Variants in GLB1 observed in about 807,000 individuals in gnomAD.
GLB1 encodes the protein galactosidase beta 1, also known as beta-galactosidase.
Under a neutral mutation model 74.0 loss-of-function variants are expected in GLB1, and 56 were observed. The observed-to-expected ratio is 0.76, with a 90% CI of 0.61 to 0.94. GLB1 has a LOEUF of 0.94. GLB1 is among the 40% of genes least tolerant of loss of function. The probability of loss-of-function intolerance (pLI) is 0.00; values close to 1 mark genes in which losing one functional copy is unlikely to be tolerated. For missense variants in GLB1, 787 were observed against 845.5 expected, an observed-to-expected ratio of 0.93 and a Z score of 0.86; for synonymous variants, 323 against 323.6, an observed-to-expected ratio of 1.00 and a Z score of 0.02.
chr3:32,985,000 G>A, the GLB1 span, among the ~76,000 whole-genome samples: 1 of 151,014 alleles, frequency 6.6e-6, no homozygotes, highest in Non-Finnish European at 1.5e-5. Flanking sequence ...AGCTATTTGG[G>A]AGGCTGAGGC....
intron 5 of GLB1, among the ~76,000 whole-genome samples, chr3:33,064,587 GC>G (rs1361626350): frequency 6.6e-6 from 1 of 151,418 alleles, no homozygotes; most frequent in Non-Finnish European, 1.5e-5. Flanking sequence ...GACCAGCCTG[GC>G]CAACATGGCG....
At chr3:32,979,261 C>A in the GLB1 span, among the ~76,000 whole-genome samples, 6 of 152,200 alleles carry the variant, frequency 3.9e-5, no homozygotes, top group African/African-American at 1.4e-4. Context: ...CAGTCACATT[C>A]ATTGTTTCAG....
At chr3:33,049,557 C>T (rs981206301) in intron 9 of GLB1, among the ~76,000 whole-genome samples, 1 of 152,146 alleles carries the variant, frequency 6.6e-6, no homozygotes, top group Non-Finnish European at 1.5e-5. Flanking sequence ...GCTGGGATTA[C>T]AGGTGAGCGC....
At chr3:32,980,782 AAAAC>A in the GLB1 span, among the ~76,000 whole-genome samples, 3 of 151,410 alleles carry the variant, frequency 2.0e-5, no homozygotes, top group Admixed American at 6.6e-5. Context: ...CTCCCTCTCA[AAAAC>A]AAACAAACAA....
At chr3:33,025,443 T>C (rs1223449908) in intron 10 of GLB1, among the ~76,000 whole-genome samples, 5 of 152,230 alleles carry the variant, frequency 3.3e-5, no homozygotes, top group Admixed American at 6.5e-5. Context: ...GAAATGTCTG[T>C]AGCCATCCGG....
chr3:32,974,766 G>A, the GLB1 span, among the ~76,000 whole-genome samples: 2 of 152,106 alleles, frequency 1.3e-5, no homozygotes, highest in Admixed American at 1.3e-4. Context: ...CAGGAAGGAG[G>A]AGTCCCCTCT....
At chr3:32,973,121 T>C in the GLB1 span, among the ~76,000 whole-genome samples, 1 of 152,328 alleles carries the variant, frequency 6.6e-6, no homozygotes, top group East Asian at 1.9e-4. Context: ...TAACTCTTTG[T>C]TCGGGGCTTA....
At chr3:33,041,381 G>A (rs1698491449) in intron 10 of GLB1, among the ~76,000 whole-genome samples, 1 of 152,144 alleles carries the variant, frequency 6.6e-6, no homozygotes. Flanking sequence ...ACAATTTGAG[G>A]CCGGGCATGG....
Position 33,046,225 on chromosome 3 carries a change from G to C in GLB1, c.963C>G (p.Asn321Lys), listed in dbSNP as rs1698734997. ...TGGTGGGCTGTGCTGCATAGGGTGA[G>C]TTGGCCCCTAGAAGACAAAAATGTG... is the stretch of plus-strand genomic sequence containing the variant. ...GTNFAYWNGA[N>K]SPYAAQPTSY... is the part of the protein sequence containing the mutation. The change falls in exon 10 of 16, where the codon AAC becomes AAG. Residue 321 changes from asparagine to lysine, a missense_variant. By Grantham distance (94) the Asn-to-Lys change is moderately conservative. Coordinates refer to ENST00000307363, the MANE Select transcript of GLB1 (RefSeq NM_000404.4). The C allele has an allele frequency of 6.2e-7, 1 of 1,614,008 alleles. No homozygotes were observed.
rs368287449 is a variant in GLB1, at chr3:33,093,400, G to A, written c.75+3611C>T. 14 of 1,614,078 alleles carry A rather than the reference G, an allele frequency of 8.7e-6. No individual in the cohort carries two copies. Among genetic ancestry groups the A allele is most frequent in the Non-Finnish European group, 1.1e-5 (13 of 1,180,046 alleles). On this transcript the variant is annotated intron_variant, in intron 1 of 15. Transcript: ENST00000307363. This position sits in a 1 kb window ranked among gnomAD's most constrained non-coding sequence, Gnocchi z 6.0. ...ACGAAGTAGGCACCGAGATGTGAATGAAGCTGGCCCAGAGGAGCGACAGCC... is the reference window on the plus strand; with the variant it reads ...ACGAAGTAGGCACCGAGATGTGAATAAAGCTGGCCCAGAGGAGCGACAGCC...
At chr3:33,018,326 A>AAAT in intron 13 of GLB1, 122 bp downstream of exon 13, 1 of 397,146 alleles carries the variant, frequency 2.5e-6, no homozygotes, top group Non-Finnish European at 4.6e-6. Context: ...AAAAAAAAAG[A>AAAT]TGATGGGTAG....
At chr3:32,989,111 C>G in the GLB1 span, among the ~76,000 whole-genome samples, 3 of 152,180 alleles carry the variant, frequency 2.0e-5, no homozygotes, top group Non-Finnish European at 2.9e-5. Flanking sequence ...CAAATGGCTT[C>G]TTGATATCTG....
chr3:33,056,227 CAAAAAAAAAAAAA>C (rs10559091), intron 6 of GLB1, among the ~76,000 whole-genome samples: 4 of 48,594 alleles, frequency 8.2e-5, no homozygotes, highest in Non-Finnish European at 1.5e-4. Context: ...AACTCCACCT[CAAAAAAAAAAAAA>C]AAAAAAAAAA....
intron 1 of GLB1, among the ~76,000 whole-genome samples, chr3:33,078,995 A>G (rs1435915754): frequency 5.3e-5 from 8 of 152,116 alleles, no homozygotes; most frequent in African/African-American, 1.2e-4. Flanking sequence ...ATAGACTACT[A>G]CTCAGCAATA....
chr3:33,057,199 C>T (rs1232074775), intron 6 of GLB1, among the ~76,000 whole-genome samples: 2 of 152,192 alleles, frequency 1.3e-5, no homozygotes, highest in Non-Finnish European at 2.9e-5. Flanking sequence ...ATCTCTTCCT[C>T]CCGCTCTGTC....
At chr3:33,065,400 T>C (rs1159113816) in intron 5 of GLB1, 63 bp downstream of exon 5, 1 of 1,536,292 alleles carries the variant, frequency 6.5e-7, no homozygotes, top group Non-Finnish European at 8.8e-7. Context: ...CTTCTATCAT[T>C]TATGTAATGT....
At chr3:33,089,190 A>C (rs1700649473) in intron 1 of GLB1, among the ~76,000 whole-genome samples, 1 of 152,228 alleles carries the variant, frequency 6.6e-6, no homozygotes, top group Non-Finnish European at 1.5e-5. Flanking sequence ...CTAGAAGAAA[A>C]CATGGGGAAA....
chr3:33,090,300 T>G (rs929783558), intron 1 of GLB1: 1 of 687,400 alleles, frequency 1.5e-6, no homozygotes, highest in African/African-American at 2.0e-5. Context: ...GGGGCAGGGG[T>G]AGCTGAGAAA....
At chr3:32,972,527 T>C in the GLB1 span, among the ~76,000 whole-genome samples, 21 of 152,328 alleles carry the variant, frequency 1.4e-4, no homozygotes, top group African/African-American at 4.8e-4. Flanking sequence ...TTGCTTATTC[T>C]TGTCATCTCC....
Sources: gnomAD v4.1 joint callset for allele counts (sites outside exome capture counted in the v4.1 genomes callset) on GRCh38, gnomAD v4.1.1 for gene constraint, Gnocchi (gnomAD v3.1) non-coding constraint, MANE v1.5 for transcripts, NCBI Gene and HGNC (gene_info 2026-07-23, HGNC 2026-07-21) for gene names.